The following NXPE2 variants were observed in gnomAD, a reference collection of about 807,000 sequenced individuals.
NXPE2 encodes neurexophilin and PC-esterase domain family member 2, also known as NXPE family member 2.
A neutral mutation model predicts 34.4 loss-of-function variants in NXPE2; 34 were observed. The observed-to-expected ratio is 0.99, with a 90% CI of 0.75 to 1.31. NXPE2 has a LOEUF of 1.31. Among genes scored for constraint, NXPE2 ranks in the 40% most tolerant of loss-of-function variants. The pLI, the probability that NXPE2 is intolerant of heterozygous loss-of-function variation, is 0.00. For missense variants in NXPE2, 649 were observed against 672.5 expected, an observed-to-expected ratio of 0.97 and a Z score of 0.39; for synonymous variants, 235 against 231.3, an observed-to-expected ratio of 1.02 and a Z score of -0.15.
the NXPE2 span, among the ~76,000 whole-genome samples, chr11:114,540,021 C>G: frequency 6.6e-6 from 1 of 152,192 alleles, no homozygotes; most frequent in Non-Finnish European, 1.5e-5. Flanking sequence ...CTTATGACCT[C>G]ACATCAGTAA....
the NXPE2 span, among the ~76,000 whole-genome samples, chr11:114,544,956 T>TA: frequency 6.6e-6 from 1 of 151,948 alleles, no homozygotes; most frequent in Non-Finnish European, 1.5e-5. Flanking sequence ...ACTAAATATA[T>TA]AAAAAAGACA....
chr11:114,534,628 C>A, the NXPE2 span, among the ~76,000 whole-genome samples: 1 of 152,130 alleles, frequency 6.6e-6, no homozygotes, highest in Non-Finnish European at 1.5e-5. Flanking sequence ...ACGAGAGCTA[C>A]GTGACAAATG....
chr11:114,649,966 T>C, the NXPE2 span, among the ~76,000 whole-genome samples: 2 of 152,198 alleles, frequency 1.3e-5, no homozygotes, highest in South Asian at 2.1e-4. Context: ...TTATATTATA[T>C]GTAAAATATG....
At chr11:114,772,073 T>G in the NXPE2 span, among the ~76,000 whole-genome samples, 1 of 152,230 alleles carries the variant, frequency 6.6e-6, no homozygotes, top group Admixed American at 6.5e-5. Context: ...GCTCCTGCCA[T>G]GAAAACGGAC....
the NXPE2 span, among the ~76,000 whole-genome samples, chr11:114,764,206 T>C: frequency 6.6e-6 from 1 of 152,244 alleles, no homozygotes; most frequent in Admixed American, 6.5e-5. Flanking sequence ...AGATCATAAA[T>C]GGGGGTTTGG....
At chr11:114,651,337 G>A in the NXPE2 span, among the ~76,000 whole-genome samples, 5 of 152,006 alleles carry the variant, frequency 3.3e-5, no homozygotes, top group African/African-American at 1.2e-4. Flanking sequence ...GCTCGTTAAG[G>A]TGGCACGTCC....
intron 2 of NXPE2, among the ~76,000 whole-genome samples, chr11:114,685,534 A>G (rs1951030573): frequency 6.6e-6 from 1 of 152,218 alleles, no homozygotes; most frequent in African/African-American, 2.4e-5. Context: ...GTTGTAACAT[A>G]CAAATTTGGG....
chr11:114,637,426 G>A, the NXPE2 span, among the ~76,000 whole-genome samples: 142 of 151,866 alleles, frequency 9.4e-4, no homozygotes, highest in Middle Eastern at 6.8e-3. Flanking sequence ...CAATTTGCCA[G>A]TCTGTGTCTT....
the NXPE2 span, among the ~76,000 whole-genome samples, chr11:114,556,518 C>A: frequency 6.6e-6 from 1 of 151,774 alleles, no homozygotes; most frequent in Non-Finnish European, 1.5e-5. Context: ...TGCAAGTCTG[C>A]AGTTTTCTGC....
chr11:114,631,952 A>G, the NXPE2 span, among the ~76,000 whole-genome samples: 1 of 150,730 alleles, frequency 6.6e-6, no homozygotes, highest in Non-Finnish European at 1.5e-5. Flanking sequence ...CCTTGTAGGT[A>G]ACTACTATTA....
At chr11:114,603,039 G>A in the NXPE2 span, among the ~76,000 whole-genome samples, 19 of 150,956 alleles carry the variant, frequency 1.3e-4, no homozygotes, top group Admixed American at 5.3e-4. Context: ...ATACGGAACC[G>A]TATATAATAA....
the NXPE2 span, among the ~76,000 whole-genome samples, chr11:114,778,378 C>G: frequency 6.6e-6 from 1 of 152,142 alleles, no homozygotes; most frequent in Non-Finnish European, 1.5e-5. Context: ...AATGACGAGA[C>G]AGCATCAGAG....
the NXPE2 span, among the ~76,000 whole-genome samples, chr11:114,575,541 C>T: frequency 2.0e-5 from 3 of 151,960 alleles, no homozygotes; most frequent in Admixed American, 1.3e-4. Flanking sequence ...CTGCTATACA[C>T]CAACAGCAAC....
chr11:114,510,930 T>TAGTAATGCAAACACTAACTTGATTTAA, the NXPE2 span, among the ~76,000 whole-genome samples: 4 of 152,172 alleles, frequency 2.6e-5, no homozygotes, highest in Non-Finnish European at 1.5e-5. Context: ...AAAATTTAAT[T>TAGTAATGCAAACACTAACTTGATTTAA]AGTAATGCAA....
the NXPE2 span, among the ~76,000 whole-genome samples, chr11:114,469,498 C>CT: frequency 3.2e-4 from 48 of 150,994 alleles, no homozygotes; most frequent in Non-Finnish European, 6.4e-4. Context: ...AAATTTCATA[C>CT]TTTTTTTTTG....
the NXPE2 span, among the ~76,000 whole-genome samples, chr11:114,554,918 GA>G: frequency 3.9e-5 from 6 of 152,176 alleles, no homozygotes; most frequent in African/African-American, 1.2e-4. Context: ...ACTGGCAGGG[GA>G]TAGCAGAGCT....
the NXPE2 span, among the ~76,000 whole-genome samples, chr11:114,581,364 A>C: frequency 6.6e-6 from 1 of 152,126 alleles, no homozygotes; most frequent in Admixed American, 6.6e-5. Flanking sequence ...GTGATGGGCT[A>C]GTGGTGATAT....
At chr11:114,485,943 G>T in the NXPE2 span, among the ~76,000 whole-genome samples, 1 of 152,056 alleles carries the variant, frequency 6.6e-6, no homozygotes, top group African/African-American at 2.4e-5. Flanking sequence ...CTATTGTGCT[G>T]CAATAAACAT....
the NXPE2 span, among the ~76,000 whole-genome samples, chr11:114,799,696 G>C: frequency 6.2e-3 from 951 of 152,308 alleles, 6 homozygotes; most frequent in African/African-American, 0.022. Context: ...CGTTTAAACA[G>C]CAACAAGGAA....
Sources: allele counts gnomAD v4.1 joint callset (sites outside exome capture counted in the v4.1 genomes callset), GRCh38; gene constraint gnomAD v4.1.1; transcripts MANE v1.5; gene names NCBI Gene and HGNC (gene_info 2026-07-23, HGNC 2026-07-21).